SAMMSON: variants seen among roughly 807,000 people sequenced by gnomAD.
The protein encoded by SAMMSON is survival associated mitochondrial melanoma specific oncogenic non-coding RNA, also known as long intergenic non-protein coding RNA 1212.
intron 4 of SAMMSON, among the ~76,000 whole-genome samples, chr3:70,152,463 A>G (rs1199327822): frequency 2.6e-5 from 4 of 152,028 alleles, no homozygotes; most frequent in South Asian, 2.1e-4. Context: ...ACCTTCTTCT[A>G]TATGTCCTAA....
At chr3:70,312,284 C>T (rs1019626666) in intron 7 of SAMMSON, among the ~76,000 whole-genome samples, 1 of 152,130 alleles carries the variant, frequency 6.6e-6, no homozygotes, top group East Asian at 1.9e-4. Flanking sequence ...AACAAACAAA[C>T]ATTCAGTAGC....
intron 6 of SAMMSON, among the ~76,000 whole-genome samples, chr3:70,277,932 C>G (rs537222751): frequency 6.6e-6 from 1 of 152,256 alleles, no homozygotes; most frequent in African/African-American, 2.4e-5. Context: ...TTCATTAGCC[C>G]TCTCAATGTT....
At chr3:70,276,585 C>A (rs1048953113) in intron 6 of SAMMSON, among the ~76,000 whole-genome samples, 1 of 152,126 alleles carries the variant, frequency 6.6e-6, no homozygotes, top group African/African-American at 2.4e-5. Context: ...AGACACCTAC[C>A]TGAGGATACC....
At chr3:70,018,571 C>G (rs2066997342) in intron 3 of SAMMSON, among the ~76,000 whole-genome samples, 1 of 152,098 alleles carries the variant, frequency 6.6e-6, no homozygotes, top group South Asian at 2.1e-4. Flanking sequence ...TTTTTTGTGT[C>G]TCTATTCCCT....
chr3:70,235,972 C>G (rs1229968477), intron 4 of SAMMSON, among the ~76,000 whole-genome samples: 1 of 152,120 alleles, frequency 6.6e-6, no homozygotes, highest in Non-Finnish European at 1.5e-5. Context: ...GTCTTCAAAA[C>G]CTGCACAGGA....
At chr3:70,037,964 G>T (rs1233543327) in intron 3 of SAMMSON, among the ~76,000 whole-genome samples, 7 of 152,162 alleles carry the variant, frequency 4.6e-5, no homozygotes, top group Admixed American at 4.6e-4. Context: ...CCATACTGGG[G>T]ATTATTACAC....
chr3:70,425,662 C>T (rs1462260333), intron 2 of SAMMSON, among the ~76,000 whole-genome samples: 2 of 152,030 alleles, frequency 1.3e-5, no homozygotes, highest in Non-Finnish European at 2.9e-5. Flanking sequence ...ATCCGCCCGC[C>T]TCCCAAAGTG....
At chr3:70,076,874 G>A (rs1234413262) in intron 4 of SAMMSON, among the ~76,000 whole-genome samples, 1 of 152,130 alleles carries the variant, frequency 6.6e-6, no homozygotes, top group Non-Finnish European at 1.5e-5. Context: ...GTTAGACACA[G>A]TTATGTAAAT....
At chr3:70,187,563 G>A (rs375688401) in intron 4 of SAMMSON, among the ~76,000 whole-genome samples, 1 of 147,556 alleles carries the variant, frequency 6.8e-6, no homozygotes, top group Admixed American at 6.9e-5. Flanking sequence ...TCAGCCTCCC[G>A]TGTAGCTGGG....
chr3:70,080,328 T>C (rs73836094), intron 4 of SAMMSON, among the ~76,000 whole-genome samples: 1,828 of 152,338 alleles, frequency 0.012, 42 homozygotes, highest in African/African-American at 0.041. Context: ...CACTTGAATT[T>C]CTGCTTTAGC....
chr3:70,387,576 C>A (rs185538613), intron 9 of SAMMSON, among the ~76,000 whole-genome samples: 2 of 151,920 alleles, frequency 1.3e-5, no homozygotes, highest in Non-Finnish European at 2.9e-5. Flanking sequence ...TTTTTGGAAT[C>A]GTTTTCATTT....
chr3:70,290,439 T>A (rs1302410323), intron 6 of SAMMSON, among the ~76,000 whole-genome samples: 3 of 152,210 alleles, frequency 2.0e-5, no homozygotes, highest in Admixed American at 2.0e-4. Flanking sequence ...AGCTGCGTAC[T>A]GGGAGAACCA....
At chr3:70,106,910 A>C (rs1293333787) in intron 4 of SAMMSON, among the ~76,000 whole-genome samples, 1 of 152,192 alleles carries the variant, frequency 6.6e-6, no homozygotes, top group Non-Finnish European at 1.5e-5. Flanking sequence ...CTGCCTAATA[A>C]GAGCTATTTT....
chr3:70,127,125 G>A (rs1285872628), intron 4 of SAMMSON: 1 of 152,240 alleles, frequency 6.6e-6, no homozygotes, highest in Non-Finnish European at 1.5e-5. Context: ...GACAAAGGCT[G>A]TACCACTTAA....
At chr3:70,248,335 T>A (rs1225125391) in intron 4 of SAMMSON, among the ~76,000 whole-genome samples, 2 of 152,056 alleles carry the variant, frequency 1.3e-5, no homozygotes, top group Non-Finnish European at 2.9e-5. Context: ...CTGAAGGAGT[T>A]TATAAATGGA....
At chr3:70,319,432 T>C (rs1266807432) in intron 7 of SAMMSON, among the ~76,000 whole-genome samples, 1 of 152,066 alleles carries the variant, frequency 6.6e-6, no homozygotes, top group Non-Finnish European at 1.5e-5. Context: ...GTATGAATAA[T>C]GCAAGTCCAG....
At chr3:70,034,157 C>T (rs745558910) in intron 3 of SAMMSON, among the ~76,000 whole-genome samples, 19 of 151,952 alleles carry the variant, frequency 1.3e-4, no homozygotes, top group Admixed American at 1.1e-3. Flanking sequence ...AAAGCTGGGC[C>T]GTCTGTTTGA....
chr3:70,044,042 C>T (rs766979217), intron 3 of SAMMSON, among the ~76,000 whole-genome samples: 4 of 151,884 alleles, frequency 2.6e-5, no homozygotes, highest in South Asian at 2.1e-4. Flanking sequence ...GATATTCCTA[C>T]GAATTTTGGC....
intron 2 of SAMMSON, among the ~76,000 whole-genome samples, chr3:70,417,758 C>G (rs1227304240): frequency 6.6e-6 from 1 of 152,080 alleles, no homozygotes; most frequent in Non-Finnish European, 1.5e-5. Flanking sequence ...GAGAGAGATT[C>G]TGTCTCTCTC....
Sources: allele counts gnomAD v4.1 joint callset (sites outside exome capture counted in the v4.1 genomes callset), GRCh38; gene constraint gnomAD v4.1.1; transcripts MANE v1.5; gene names NCBI Gene and HGNC (gene_info 2026-07-23, HGNC 2026-07-21).